The following DND1 variants were observed in gnomAD, a reference collection of about 807,000 sequenced individuals.
DND1 encodes the protein DND microRNA-mediated repression inhibitor 1, also known as dead end protein homolog 1.
Under a neutral mutation model 30.4 loss-of-function variants are expected in DND1, and 6 were observed. The observed-to-expected ratio is 0.20, with a 90% CI of 0.11 to 0.39. The LOEUF (loss-of-function observed/expected upper bound fraction) is 0.39. DND1 is among the 10% of genes least tolerant of loss of function. The probability of loss-of-function intolerance (pLI) is 1.00; values close to 1 mark genes in which losing one functional copy is unlikely to be tolerated. For synonymous variants in DND1, 178 were observed against 210.4 expected (o/e 0.85, Z 1.33); for missense variants, 358 against 474.9 (o/e 0.75, Z 2.29).
Position 140,671,463 on chromosome 5 carries a change from G to C in DND1, c.892C>G (p.Pro298Ala). 6.2e-7 allele frequency: 1 copy of C among 1,608,786 alleles called. No homozygotes were observed. ...CAGATGAGGCCGCTGAAGGGCACCGGATGCCCAGGAATCACCACCTGGTAC... is the reference window on the plus strand; with the variant it reads ...CAGATGAGGCCGCTGAAGGGCACCGCATGCCCAGGAATCACCACCTGGTAC... Reference protein sequence around the residue: ...FWYQVVIPGHPVPFSGLIWVV... With the variant: ...FWYQVVIPGHAVPFSGLIWVV... The change falls in exon 4 of 4, where the codon CCG (proline) becomes GCG (alanine). Residue 298 changes from proline to alanine, a missense_variant. Around this residue, in one of 3 missense-constraint regions of DND1, gnomAD observed 176 missense variants for 235.2 expected, o/e 0.75. Transcript: ENST00000542735.
rs1350229184 is a variant in DND1 at position 140,672,755 on chromosome 5, G to A, written c.294C>T (p.Arg98=). 8 of 1,588,486 alleles carry A rather than the reference G, an allele frequency of 5.0e-6. No individual in the cohort carries two copies. Among genetic ancestry groups the A allele is most frequent in the South Asian group, 1.1e-5 (1 of 89,052 alleles). Residue 98 remains arginine (R), a synonymous_variant, in exon 3 of 4, where the codon CGC becomes CGT. Coordinates refer to ENST00000542735, the MANE Select transcript of DND1 (RefSeq NM_194249.3). ...RLMMTFSGLN[R]GFAYARYSSR... ...AGCTGTAGCGGGCATAGGCGAAGCCGCGGTTCAGGCCGCTGAAGGTCATCA... is the reference window on the plus strand; with the variant it reads ...AGCTGTAGCGGGCATAGGCGAAGCCACGGTTCAGGCCGCTGAAGGTCATCA...
rs1758081591 is a variant in DND1 at position 140,671,767 on chromosome 5, A to C, written c.605-17T>G. ...GTGACTGCCCTGTAGGAAAAATGCA[A>C]AGACAAGGGCAGGTCTAAACCCTGG... On this transcript the variant is annotated splice_polypyrimidine_tract_variant and intron_variant, in intron 3 of 3. Coordinates refer to ENST00000542735, the MANE Select transcript of DND1 (RefSeq NM_194249.3). 1 of 1,558,908 alleles carries C rather than the reference A, an allele frequency of 6.4e-7. No individual in the cohort carries two copies. Among genetic ancestry groups the C allele is most frequent in the African/African-American group, 1.4e-5 (1 of 73,766 alleles).
In DND1 at chr5:140,671,381, G is replaced by A; in HGVS notation, c.974C>T (p.Ser325Phe). Residue 325 changes from serine to phenylalanine, a missense_variant, in exon 4 of 4, where the codon TCT (serine) becomes TTT (phenylalanine). Ser to Phe is a radical substitution (Grantham distance 155). Coordinates refer to ENST00000542735, the MANE Select transcript of DND1 (RefSeq NM_194249.3). Reference protein sequence around the residue: ...DGHEVAKDAVSVRLLQALSES... With the variant: ...DGHEVAKDAVFVRLLQALSES... ...ACTGAGTGCCTGCAGCAGCCGTACAGACACAGCATCCTTGGCCACCTCATG... is the reference window on the plus strand; with the variant it reads ...ACTGAGTGCCTGCAGCAGCCGTACAAACACAGCATCCTTGGCCACCTCATG... 1 of 1,612,720 alleles carries A rather than the reference G, an allele frequency of 6.2e-7. No homozygotes were observed. The highest frequency in any genetic ancestry group is 8.5e-7 in the Non-Finnish European group (1 of 1,179,876).
chr5:140,671,230 T>A lies in DND1; in HGVS notation c.*63A>T. 6.2e-7 allele frequency: 1 copy of A among 1,606,346 alleles called. No homozygotes were observed. The highest frequency in any genetic ancestry group is 2.2e-5 in the East Asian group (1 of 44,852). ...TCAGAAAGTGGCCACCCAGGCCTGC[T>A]GGGATGGGGCCTGACACAGGCTCTG... On this transcript the variant is annotated 3_prime_UTR_variant, in exon 4 of 4. Coordinates refer to ENST00000542735, the MANE Select transcript of DND1 (RefSeq NM_194249.3).
chr5:140,671,137 G>A lies in DND1; in HGVS notation c.*156C>T, dbSNP rs1376655929. 2.2e-6 allele frequency: 2 copies of A among 920,554 alleles called. No individual in the cohort carries two copies. The highest frequency in any genetic ancestry group is 5.2e-5 in the East Asian group (2 of 38,108). 57.0% of individuals were successfully genotyped at this position (920,554 alleles called of 1,614,324 possible). On this transcript the variant is annotated 3_prime_UTR_variant, in exon 4 of 4. Transcript: ENST00000542735. The stretch of plus-strand genomic sequence containing the variant: ...ACCCAAACCTAAGCTGCCCCCAGGT[G>A]CCATAGGTCCCTGTCCCAGCAGGGA...
Sources: allele counts gnomAD v4.1 joint callset, GRCh38; gene constraint gnomAD v4.1.1; regional missense constraint gnomAD v4.1.1; transcripts MANE v1.5; gene names NCBI Gene and HGNC (gene_info 2026-07-23, HGNC 2026-07-21).